The following ADD3 variants were observed in gnomAD, a reference collection of about 807,000 sequenced individuals.
The protein encoded by ADD3 is adducin 3.
Under a neutral mutation model 80.2 loss-of-function variants are expected in ADD3, and 25 were observed. That is an observed-to-expected ratio of 0.31 (90% CI 0.23 to 0.44). The LOEUF (loss-of-function observed/expected upper bound fraction) is 0.44. Among genes scored for constraint, ADD3 ranks in the 20% least tolerant of loss-of-function variants. The pLI is 1.00. For synonymous variants in ADD3, 284 were observed against 289.6 expected (o/e 0.98, Z 0.20); for missense variants, 829 against 847.5 (o/e 0.98, Z 0.27).
chr10:110,103,803 C>T (rs781643873), intron 2 of ADD3, among the ~76,000 whole-genome samples: 5 of 152,072 alleles, frequency 3.3e-5, no homozygotes, highest in African/African-American at 7.2e-5. Context: ...TGTGCTCAAG[C>T]GATCCTCTTG....
chr10:110,040,859 G>A (rs1298014541), intron 1 of ADD3, among the ~76,000 whole-genome samples: 1 of 152,164 alleles, frequency 6.6e-6, no homozygotes, highest in Non-Finnish European at 1.5e-5. Flanking sequence ...GGTTAAAGAA[G>A]TGCCTAATTT....
At chr10:110,068,155 C>G (rs1844207029) in intron 1 of ADD3, among the ~76,000 whole-genome samples, 1 of 152,184 alleles carries the variant, frequency 6.6e-6, no homozygotes, top group African/African-American at 2.4e-5. Flanking sequence ...TCTCATGTCA[C>G]CCTTGGCTCC....
intron 1 of ADD3, among the ~76,000 whole-genome samples, chr10:110,075,885 G>C (rs1845327508): frequency 1.3e-5 from 2 of 152,126 alleles, no homozygotes; most frequent in African/African-American, 4.8e-5. Flanking sequence ...ATCCAACAAA[G>C]GCAAGATCAA....
intron 1 of ADD3, among the ~76,000 whole-genome samples, chr10:110,012,594 G>A (rs1852457297): frequency 6.6e-6 from 1 of 152,186 alleles, no homozygotes; most frequent in Non-Finnish European, 1.5e-5. Context: ...GTAGTAGCAT[G>A]ATCACCAAAA....
intron 1 of ADD3, among the ~76,000 whole-genome samples, chr10:110,061,451 C>A (rs1017418895): frequency 2.0e-5 from 3 of 152,078 alleles, no homozygotes; most frequent in African/African-American, 7.2e-5. Context: ...GTCAGCTTTC[C>A]TTTGGGAAAG....
At chr10:110,082,725 A>G in intron 1 of ADD3, among the ~76,000 whole-genome samples, 1 of 152,226 alleles carries the variant, frequency 6.6e-6, no homozygotes, top group African/African-American at 2.4e-5. Context: ...ATGGCGGTAA[A>G]TATAGATTTT....
intron 1 of ADD3, among the ~76,000 whole-genome samples, chr10:110,092,952 T>A (rs1847727276): frequency 6.6e-6 from 1 of 152,096 alleles, no homozygotes; most frequent in Non-Finnish European, 1.5e-5. Flanking sequence ...CTCCACCTCC[T>A]GGGTTCAAGC....
intron 1 of ADD3, among the ~76,000 whole-genome samples, chr10:110,054,396 T>C (rs1428307154): frequency 1.3e-5 from 2 of 151,578 alleles, no homozygotes; most frequent in Non-Finnish European, 2.9e-5. Flanking sequence ...TCTGGGACTA[T>C]CACTCAACTA....
chr10:110,031,247 T>A (rs1413875247), intron 1 of ADD3, among the ~76,000 whole-genome samples: 1 of 152,208 alleles, frequency 6.6e-6, no homozygotes. Flanking sequence ...CACTCCAGCC[T>A]GGGCAACAAG....
At chr10:110,000,021 G>A (rs996954118) in intron 1 of ADD3, among the ~76,000 whole-genome samples, 1 of 150,636 alleles carries the variant, frequency 6.6e-6, no homozygotes, top group African/African-American at 2.5e-5. Flanking sequence ...CTGGGTTCAA[G>A]AGATTTTCCT....
chr10:110,006,772 G>A (rs565101621), upstream of ADD3, among the ~76,000 whole-genome samples: 5 of 151,994 alleles, frequency 3.3e-5, no homozygotes, highest in Non-Finnish European at 5.9e-5. Context: ...AAGATGAGGC[G>A]GATGGCGTGA....
At chr10:110,072,096 C>T (rs1271834126) in intron 1 of ADD3, among the ~76,000 whole-genome samples, 1 of 152,240 alleles carries the variant, frequency 6.6e-6, no homozygotes, top group Admixed American at 6.5e-5. Context: ...GAGTCTCTCT[C>T]TGTCACCCAG....
At chr10:110,021,289 T>C (rs1853638121) in intron 1 of ADD3, among the ~76,000 whole-genome samples, 1 of 152,228 alleles carries the variant, frequency 6.6e-6, no homozygotes, top group Non-Finnish European at 1.5e-5. Flanking sequence ...CCTTTAAAAA[T>C]GGAACAGTCT....
At chr10:110,102,285 T>C (rs1012463327) in intron 2 of ADD3, among the ~76,000 whole-genome samples, 5 of 152,162 alleles carry the variant, frequency 3.3e-5, no homozygotes, top group Non-Finnish European at 5.9e-5. Context: ...ATATGTTTCC[T>C]TCTCCAAAGA....
rs1240206018 is a variant in ADD3 at position 110,134,851 on chromosome 10, TCAG to T, written c.*1237_*1239del. ...CTTTAGAGGGCAGCACTAGAAGAAATCAGCAGGTCTAATCCCACCAGTAAGAAA... is the reference window on the plus strand; with the variant it reads ...CTTTAGAGGGCAGCACTAGAAGAAATCAGGTCTAATCCCACCAGTAAGAAA... On this transcript the variant is annotated 3_prime_UTR_variant, in exon 15 of 15. Coordinates refer to ENST00000356080, the MANE Select transcript of ADD3 (RefSeq NM_016824.5). The T allele has an allele frequency of 6.6e-6, 1 of 152,620 alleles. No individual in the cohort carries two copies. Among genetic ancestry groups the T allele is most frequent in the Non-Finnish European group, 1.5e-5 (1 of 68,036 alleles). The allele number at this position is 152,620 out of a possible 1,614,324, so 9.5% of individuals were successfully genotyped here. A position where few individuals can be genotyped will look rare whatever the true frequency, so the allele number is the denominator to read the frequency against.
At chr10:110,084,815 G>T (rs1047563719) in intron 1 of ADD3, among the ~76,000 whole-genome samples, 2 of 152,050 alleles carry the variant, frequency 1.3e-5, no homozygotes, top group Non-Finnish European at 2.9e-5. Context: ...CCTAACAAAC[G>T]TATGAAAGTT....
At chr10:110,001,654 C>T (rs145767283), upstream of ADD3, among the ~76,000 whole-genome samples, 1,296 of 152,210 alleles carry the variant, frequency 8.5e-3, 11 homozygotes, top group Middle Eastern at 0.034. Context: ...AAAAAGTCCT[C>T]AATCGTCTTC....
At chr10:110,094,389 C>A (rs1243632822) in intron 1 of ADD3, among the ~76,000 whole-genome samples, 3 of 152,102 alleles carry the variant, frequency 2.0e-5, no homozygotes, top group Non-Finnish European at 4.4e-5. Context: ...TTCCTCTCAT[C>A]TGTAAAAAGT....
chr10:110,128,759 C>T (rs1189695134), intron 12 of ADD3, among the ~76,000 whole-genome samples: 1 of 152,142 alleles, frequency 6.6e-6, no homozygotes, highest in Non-Finnish European at 1.5e-5. Flanking sequence ...CCTGAATGTT[C>T]CTTTTTAATA....
Sources: allele counts gnomAD v4.1 joint callset (sites outside exome capture counted in the v4.1 genomes callset), GRCh38; gene constraint gnomAD v4.1.1; transcripts MANE v1.5; gene names NCBI Gene and HGNC (gene_info 2026-07-23, HGNC 2026-07-21).